The following D2HGDH variants were observed in gnomAD, a reference collection of about 807,000 sequenced individuals.
D2HGDH encodes D-2-hydroxyglutarate dehydrogenase, also known as D-2-hydroxyglutarate dehydrogenase, mitochondrial.
A neutral mutation model predicts 46.9 loss-of-function variants in D2HGDH; 31 were observed. That is an observed-to-expected ratio of 0.66 (90% CI 0.50 to 0.89). The LOEUF is 0.89. Among genes scored for constraint, D2HGDH ranks in the 40% least tolerant of loss-of-function variants. The pLI, the probability that D2HGDH is intolerant of heterozygous loss-of-function variation, is 0.00. For missense variants in D2HGDH, 698 were observed against 720.8 expected (o/e 0.97, Z 0.36); for synonymous variants, 364 against 332.6 (o/e 1.09, Z -1.03).
At position 241,735,430 on chromosome 2, in the gene D2HGDH, C is replaced by T. The variant is rs755874741; in HGVS notation, c.206C>T (p.Ala69Val). 2 of 1,608,746 alleles carry T rather than the reference C, an allele frequency of 1.2e-6. No individual in the cohort carries two copies. Among genetic ancestry groups the T allele is most frequent in the African/African-American group, 1.3e-5 (1 of 75,050 alleles). Reference protein sequence around the residue: ...FSTVSKQDLAAFERIVPGGVV... With the variant: ...FSTVSKQDLAVFERIVPGGVV... The stretch of plus-strand genomic sequence containing the variant: ...ACGGTGTCTAAGCAGGACCTGGCCG[C>T]CTTTGAGCGCATCGTGCCCGGCGGG... Residue 69 changes from alanine to valine, a missense_variant, in exon 2 of 10, where the codon GCC (alanine) becomes GTC (valine). Ala to Val is a moderately conservative substitution (Grantham distance 64, BLOSUM62 0). Coordinates refer to ENST00000321264, the MANE Select transcript of D2HGDH (RefSeq NM_152783.5).
intron 6 of D2HGDH, among the ~76,000 whole-genome samples, chr2:241,745,991 T>C (rs1695769923): frequency 6.6e-6 from 1 of 152,252 alleles, no homozygotes. Context: ...AAGATCATTC[T>C]TTCTGATCTT....
intron 2 of D2HGDH, among the ~76,000 whole-genome samples, chr2:241,738,555 C>T (rs1025201574): frequency 5.3e-5 from 8 of 151,962 alleles, no homozygotes; most frequent in Admixed American, 1.3e-4. Context: ...CATGCAGGAG[C>T]GGGGAGGAAG....
chr2:241,742,722 C>A lies in D2HGDH; in HGVS notation c.490+148C>A, dbSNP rs1559357031. 3.8e-6 allele frequency: 4 copies of A among 1,042,466 alleles called. No homozygotes were observed. The East Asian group carries it at 7.6e-5, about 20-fold the overall frequency. The allele number at this position is 1,042,466 out of a possible 1,614,324, so 64.6% of individuals were successfully genotyped here. A position where few individuals can be genotyped will look rare whatever the true frequency, so the allele number is the denominator to read the frequency against. The stretch of plus-strand genomic sequence containing the variant: ...AAAGAACCAGCGTCTGTAGCCTGGC[C>A]GCCTAGCCCCACCTCGCCCGGCCCC... On this transcript the variant is annotated intron_variant, in intron 4 of 9. Coordinates refer to ENST00000321264, the MANE Select transcript of D2HGDH (RefSeq NM_152783.5). The surrounding 1 kb of genome is among the most constrained non-coding windows in gnomAD (Gnocchi z 4.8).
At chr2:241,757,482 G>A (rs976100418) in intron 9 of D2HGDH, among the ~76,000 whole-genome samples, 1 of 151,520 alleles carries the variant, frequency 6.6e-6, no homozygotes, top group African/African-American at 2.4e-5. Flanking sequence ...ATGGGAAGGG[G>A]TTAAGGGCAT....
At position 241,735,591 on chromosome 2, in the gene D2HGDH, G is replaced by T; in HGVS notation, c.292+75G>T. On this transcript the variant is annotated intron_variant, in intron 2 of 9. Transcript: ENST00000321264. Reference sequence around the variant, plus strand: ...CGCCTTCCCGTGGAGGCTTCAAAGCGGGCTGAGAACAACCTGGATGGGGGT... The same window carrying T: ...CGCCTTCCCGTGGAGGCTTCAAAGCTGGCTGAGAACAACCTGGATGGGGGT... 5 of 1,577,864 alleles carry T rather than the reference G, an allele frequency of 3.2e-6. No homozygotes were observed. The South Asian group carries it at 4.5e-5, about 14-fold the overall frequency.
chr2:241,752,324 G>A (rs1044270033), intron 8 of D2HGDH, among the ~76,000 whole-genome samples: 3 of 152,136 alleles, frequency 2.0e-5, no homozygotes, highest in African/African-American at 4.8e-5. Context: ...TCCTCTGGGC[G>A]AATGGCAGCT....
rs957762107 is a variant in D2HGDH at position 241,750,208 on chromosome 2, G to A, written c.911G>A (p.Gly304Asp). 14 of 1,614,110 alleles carry A rather than the reference G, an allele frequency of 8.7e-6. No homozygotes were observed. Among genetic ancestry groups the A allele is most frequent in the Non-Finnish European group, 1.1e-5 (13 of 1,180,030 alleles). Reference sequence around the variant, plus strand: ...TTCAGCACCTGCAAGGGGATGCTGGGTGAGATCCTGTCTGCATTCGAGTTC... The same window carrying A: ...TTCAGCACCTGCAAGGGGATGCTGGATGAGATCCTGTCTGCATTCGAGTTC... ...QTFSTCKGML[G>D]EILSAFEFMD... Residue 304 changes from glycine (G) to aspartate (D), a missense_variant, in exon 7 of 10, where the codon GGT becomes GAT. Physicochemically the swap from Gly to Asp is moderately conservative, Grantham distance 94. Coordinates refer to ENST00000321264, the MANE Select transcript of D2HGDH (RefSeq NM_152783.5).
intron 9 of D2HGDH, among the ~76,000 whole-genome samples, chr2:241,758,418 G>A (rs986621848): frequency 2.6e-5 from 4 of 151,888 alleles, no homozygotes; most frequent in Admixed American, 1.3e-4. Context: ...TTCCCATATT[G>A]GCATAAAGTT....
At chr2:241,753,591 T>G (rs2125149895) in intron 8 of D2HGDH, among the ~76,000 whole-genome samples, 1 of 152,330 alleles carries the variant, frequency 6.6e-6, no homozygotes, top group South Asian at 2.1e-4. Flanking sequence ...GTCCAGCCGC[T>G]GCCGCGGGGG....
At chr2:241,760,689 G>A (rs1195947891) in intron 9 of D2HGDH, among the ~76,000 whole-genome samples, 1 of 152,240 alleles carries the variant, frequency 6.6e-6, no homozygotes, top group Non-Finnish European at 1.5e-5. Context: ...TCGACACAGC[G>A]TGGGTGGGCC....
In D2HGDH at chr2:241,746,524, C is replaced by T. The variant is rs1032861690; in HGVS notation, c.853+1647C>T. Among the ~76,000 whole-genome samples the T allele has an allele frequency of 8.5e-5, 13 of 152,222 alleles. No homozygotes were observed. In the South Asian group the frequency reaches 1.5e-3, roughly 17 times the overall value. ...ATCCCAGCACTTTGGGAGGCCAAGG[C>T]GGGTGGGTCATTTGAGGTCAGGAGT... On this transcript the variant is annotated intron_variant, in intron 6 of 9. Transcript: ENST00000321264.
rs566622710 is a variant in D2HGDH at position 241,755,376 on chromosome 2, C to T, written c.1141-473C>T. 7.7e-6 allele frequency: 10 copies of T among 1,303,788 alleles called. No individual in the cohort carries two copies. In the African/African-American group the frequency reaches 1.1e-4, roughly 14 times the overall value. 80.8% of individuals were successfully genotyped at this position (1,303,788 alleles called of 1,614,324 possible). The stretch of plus-strand genomic sequence containing the variant: ...GTGTGACTCTGCGCCCCCTTCCCTA[C>T]CCTGCCCCACCCTGGTTCAGGGAGC... On this transcript the variant is annotated intron_variant, in intron 8 of 9. Transcript: ENST00000321264.
intron 9 of D2HGDH, among the ~76,000 whole-genome samples, chr2:241,763,008 G>A (rs1698965373): frequency 1.3e-5 from 2 of 152,202 alleles, no homozygotes; most frequent in South Asian, 4.1e-4. Context: ...TTTGAGGCCT[G>A]CAGGGGAGGT....
intron 2 of D2HGDH, 119 bp downstream of exon 2, chr2:241,735,635 TGA>T: frequency 7.9e-6 from 11 of 1,394,578 alleles, no homozygotes; most frequent in Non-Finnish European, 8.8e-6. Context: ...CTGGCTGCGC[TGA>T]GAGGGGCGTG....
rs1227661974 is a variant in D2HGDH at position 241,742,224 on chromosome 2, T to G, written c.351-211T>G. On this transcript the variant is annotated intron_variant, in intron 3 of 9. Transcript: ENST00000321264. The surrounding 1 kb of genome is among the most constrained non-coding windows in gnomAD (Gnocchi z 4.8). ...AGGACGTCAGAATCGGGGCCTCCAC[T>G]TCCGTCTCCCTGTGCACAGCTTTCG... 6.6e-6 allele frequency among the ~76,000 whole-genome samples: 1 copy of G among 152,178 alleles called. No homozygotes were observed. Among genetic ancestry groups the G allele is most frequent in the African/African-American group, 2.4e-5 (1 of 41,438 alleles).
chr2:241,748,881 C>T (rs769324893), intron 6 of D2HGDH: 17 of 1,298,352 alleles, frequency 1.3e-5, no homozygotes, highest in Middle Eastern at 4.3e-4. Flanking sequence ...GTGTGCCGCC[C>T]GCCTGTGGTC....
chr2:241,746,760 C>T (rs531962960), intron 6 of D2HGDH, among the ~76,000 whole-genome samples: 26 of 152,040 alleles, frequency 1.7e-4, no homozygotes, highest in Non-Finnish European at 3.1e-4. Flanking sequence ...TGGTGGTGGA[C>T]GCCTGTAATC....
chr2:241,743,812 A>G lies in D2HGDH; in HGVS notation c.681A>G (p.Glu227=). Residue 227 remains glutamate, a synonymous_variant, in exon 5 of 10, where the codon GAA becomes GAG. Coordinates refer to ENST00000321264, the MANE Select transcript of D2HGDH (RefSeq NM_152783.5). This position sits in a 1 kb window ranked among gnomAD's most constrained non-coding sequence, Gnocchi z 4.8. ...TGCATGGGACTGTCCTGGGCCTGGA[A>G]GTGGTGAGCTGGGGCAGCTGCTTGG... ...GSLHGTVLGL[E]VVLADGTVLD... is the part of the protein sequence containing the mutation. 4.4e-6 allele frequency: 7 copies of G among 1,598,934 alleles called. No homozygotes were observed. The highest frequency in any genetic ancestry group is 6.0e-6 in the Non-Finnish European group (7 of 1,173,390).
chr2:241,750,088 G>A, intron 6 of D2HGDH, 63 bp from the exon 7 acceptor site: 1 of 1,612,008 alleles, frequency 6.2e-7, no homozygotes, highest in Non-Finnish European at 8.5e-7. Context: ...CTGCTTTGAA[G>A]GGGGACTTGG....
Sources: gnomAD v4.1 joint callset for allele counts (sites outside exome capture counted in the v4.1 genomes callset) on GRCh38, gnomAD v4.1.1 for gene constraint, Gnocchi (gnomAD v3.1) non-coding constraint, MANE v1.5 for transcripts, NCBI Gene and HGNC (gene_info 2026-07-23, HGNC 2026-07-21) for gene names.